The following LYNX1 variants were observed in gnomAD, a reference collection of about 807,000 sequenced individuals.
The protein encoded by LYNX1 is ly-6/neurotoxin-like protein 1.
LYNX1 carries 8 observed loss-of-function variants against 8.3 expected under a neutral mutation model. The ratio of observed to expected loss-of-function variants is 0.97; its 90% CI spans 0.57 to 1.74. The LOEUF is 1.74. Among genes scored for constraint, LYNX1 ranks in the 40% most tolerant of loss-of-function variants. The pLI is 0.00. For synonymous variants in LYNX1, 73 were observed against 67.9 expected (o/e 1.08, Z -0.37); for missense variants, 158 against 159.7 (o/e 0.99, Z 0.06).
At chr8:142,775,739 A>G in intron 2 of LYNX1, 45 bp from the exon 3 acceptor site, 2 of 1,546,126 alleles carry the variant, frequency 1.3e-6, no homozygotes, top group East Asian at 2.4e-5. Flanking sequence ...GTCACAGAAC[A>G]TGAGAGGCCC....
Position 142,775,249 on chromosome 8 carries a change from AGGTCGTACT to A in LYNX1, c.260_268del (p.Gln87_Asp89del). 1 of 1,613,914 alleles carries A rather than the reference AGGTCGTACT, an allele frequency of 6.2e-7. No homozygotes were observed. Among genetic ancestry groups the A allele is most frequent in the Non-Finnish European group, 8.5e-7 (1 of 1,179,974 alleles). On this transcript the variant is annotated inframe_deletion, in exon 4 of 4. Transcript: ENST00000652477. ...GGTGGCAAGGCCGGTGCCGTTGCAG[AGGTCGTACT>A]GGCAGCAGGAGGTGGTGGACGCGTG...
At position 142,774,603 on chromosome 8, in the gene LYNX1, G is replaced by A. The variant is rs1481409914; in HGVS notation, c.*564C>T. On this transcript the variant is annotated 3_prime_UTR_variant, in exon 4 of 4. Coordinates refer to ENST00000652477, the MANE Select transcript of LYNX1 (RefSeq NM_177477.4). ...CCCCTGCAGGGGGTGGCTCCAACTC[G>A]GGCCTGGCAGACTTCCTAGCACAGG... The A allele has an allele frequency of 4.1e-6, 4 of 985,772 alleles. No individual in the cohort carries two copies. The highest frequency in any genetic ancestry group is 1.1e-4 in the East Asian group (1 of 8,824). 61.1% of individuals were successfully genotyped at this position (985,772 alleles called of 1,614,324 possible).
At chr8:142,776,452 T>C (rs938975379) in intron 1 of LYNX1, 1 of 194,716 alleles carries the variant, frequency 5.1e-6, no homozygotes, top group African/African-American at 2.3e-5. Context: ...ACCCAGGGGA[T>C]GGTTGGTGCA....
Position 142,775,666 on chromosome 8 carries a change from G to A in LYNX1, c.81C>T (p.Ala27=). 6.2e-7 allele frequency: 1 copy of A among 1,603,036 alleles called. No individual in the cohort carries two copies. The highest frequency in any genetic ancestry group is 8.5e-7 in the Non-Finnish European group (1 of 1,174,944). ...LAQALDCHVC[A]YNGDNCFNPM... The stretch of plus-strand genomic sequence containing the variant: ...GGTTGAAGCAGTTGTCTCCGTTGTA[G>A]GCACACACGTGGCAGTCCAAGGCCT... The change falls in exon 3 of 4, where the codon GCC becomes GCT. Residue 27 remains alanine, a synonymous_variant. Transcript: ENST00000652477.
In LYNX1 at chr8:142,773,982, G is replaced by C; in HGVS notation, c.*1185C>G. 3.0e-6 allele frequency: 3 copies of C among 985,348 alleles called. No homozygotes were observed. Among genetic ancestry groups the C allele is most frequent in the Non-Finnish European group, 3.6e-6 (3 of 829,936 alleles). The allele number at this position is 985,348 out of a possible 1,614,324, so 61.0% of individuals were successfully genotyped here. A position where few individuals can be genotyped will look rare whatever the true frequency, so the allele number is the denominator to read the frequency against. ...CATCGGGGATGGATTGGTGCGTGTT[G>C]GGCTGACCCCTGCTTCCCAGGCCTG... On this transcript the variant is annotated 3_prime_UTR_variant, in exon 4 of 4. Coordinates refer to ENST00000652477, the MANE Select transcript of LYNX1 (RefSeq NM_177477.4).
chr8:142,774,284 C>A lies in LYNX1; in HGVS notation c.*883G>T, dbSNP rs1163655692. ...CCTGTGCGCGCATCCCCCAGTCCTG[C>A]GTCTTTTGCCTTGCTCGGCTGGGTC... On this transcript the variant is annotated 3_prime_UTR_variant, in exon 4 of 4. Transcript: ENST00000652477. 3 of 985,574 alleles carry A rather than the reference C, an allele frequency of 3.0e-6. No individual in the cohort carries two copies. The highest frequency in any genetic ancestry group is 3.6e-6 in the Non-Finnish European group (3 of 830,042). 61.1% of individuals were successfully genotyped at this position (985,574 alleles called of 1,614,324 possible).
chr8:142,772,969 T>C lies in LYNX1; in HGVS notation c.*2198A>G. On this transcript the variant is annotated 3_prime_UTR_variant, in exon 4 of 4. Coordinates refer to ENST00000652477, the MANE Select transcript of LYNX1 (RefSeq NM_177477.4). ...CCACAGCACTTCCAGCTCCAGCAGG[T>C]CCTTGTTCTCAGCTGCCCCTGAGCC... 1.0e-6 allele frequency: 1 copy of C among 985,494 alleles called. No homozygotes were observed. The highest frequency in any genetic ancestry group is 1.2e-6 in the Non-Finnish European group (1 of 830,068). The allele number at this position is 985,494 out of a possible 1,614,324, so 61.0% of individuals were successfully genotyped here.
chr8:142,775,853 C>T, intron 2 of LYNX1, 53 bp downstream of exon 2: 1 of 1,607,628 alleles, frequency 6.2e-7, no homozygotes, highest in Non-Finnish European at 8.5e-7. Flanking sequence ...TACTGTCAGC[C>T]CATCTGCCCT....
rs1815274531 is a variant in LYNX1, at chr8:142,773,705, A to G, written c.*1462T>C. ...CTGATCCCCCAGGGGTCCTGCATCAAAGCTCTGGAGATGCAATTTCCAGCA... is the reference window on the plus strand; with the variant it reads ...CTGATCCCCCAGGGGTCCTGCATCAGAGCTCTGGAGATGCAATTTCCAGCA... On this transcript the variant is annotated 3_prime_UTR_variant, in exon 4 of 4. Coordinates refer to ENST00000652477, the MANE Select transcript of LYNX1 (RefSeq NM_177477.4). 1 of 985,210 alleles carries G rather than the reference A, an allele frequency of 1.0e-6. No homozygotes were observed. Among genetic ancestry groups the G allele is most frequent in the African/African-American group, 1.7e-5 (1 of 57,258 alleles). 61.0% of individuals were successfully genotyped at this position (985,210 alleles called of 1,614,324 possible). A position where few individuals can be genotyped will look rare whatever the true frequency, so the allele number is the denominator to read the frequency against.
At position 142,775,140 on chromosome 8, in the gene LYNX1, T is replaced by G; in HGVS notation, c.*27A>C. ...GTAGCAGTGTGTCTCGAGAGCTTTG[T>G]TCTTGAGTGGGTCTGCCTCGGGGGC... On this transcript the variant is annotated 3_prime_UTR_variant, in exon 4 of 4. Coordinates refer to ENST00000652477, the MANE Select transcript of LYNX1 (RefSeq NM_177477.4). 1 of 1,602,118 alleles carries G rather than the reference T, an allele frequency of 6.2e-7. No individual in the cohort carries two copies. The highest frequency in any genetic ancestry group is 8.5e-7 in the Non-Finnish European group (1 of 1,175,262).
rs1815300856 is a variant in LYNX1 at position 142,774,171 on chromosome 8, C to G, written c.*996G>C. On this transcript the variant is annotated 3_prime_UTR_variant, in exon 4 of 4. Transcript: ENST00000652477. ...CCCTCCCCACCCCACCCTCCCCACTCCCGCCCCCGCACGGCCACGAGAGGG... is the reference window on the plus strand; with the variant it reads ...CCCTCCCCACCCCACCCTCCCCACTGCCGCCCCCGCACGGCCACGAGAGGG... 1 of 981,108 alleles carries G rather than the reference C, an allele frequency of 1.0e-6. No homozygotes were observed. The highest frequency in any genetic ancestry group is 1.2e-6 in the Non-Finnish European group (1 of 827,146). The allele number at this position is 981,108 out of a possible 1,614,324, so 60.8% of individuals were successfully genotyped here.
chr8:142,775,543 C>A, intron 3 of LYNX1, 50 bp downstream of exon 3: 1 of 1,557,332 alleles, frequency 6.4e-7, no homozygotes, highest in Non-Finnish European at 8.7e-7. Flanking sequence ...CAGGGCAGAA[C>A]CTCCCCTTCG....
intron 3 of LYNX1, 74 bp downstream of exon 3, chr8:142,775,519 C>G: frequency 1.3e-6 from 2 of 1,553,186 alleles, no homozygotes; most frequent in Non-Finnish European, 1.7e-6. Flanking sequence ...TCAGGACCCC[C>G]GCATGCTCAG....
At position 142,774,582 on chromosome 8, in the gene LYNX1, T is replaced by C. The variant is rs1246149212; in HGVS notation, c.*585A>G. The C allele has an allele frequency of 1.0e-6, 1 of 985,664 alleles. No individual in the cohort carries two copies. Among genetic ancestry groups the C allele is most frequent in the East Asian group, 1.1e-4 (1 of 8,814 alleles). The allele number at this position is 985,664 out of a possible 1,614,324, so 61.1% of individuals were successfully genotyped here. ...GCTGAGGCAGAGCCGCCCCCTCCCC[T>C]GCAGGGGGTGGCTCCAACTCGGGCC... On this transcript the variant is annotated 3_prime_UTR_variant, in exon 4 of 4. Transcript: ENST00000652477.
At chr8:142,777,684 G>A, upstream of LYNX1, 7 of 396,956 alleles carry the variant, frequency 1.8e-5, no homozygotes, top group Non-Finnish European at 3.1e-5. Flanking sequence ...CTGGGACCCC[G>A]AGGCCAGTCC....
In LYNX1 at chr8:142,775,202, G is replaced by T; in HGVS notation, c.316C>A (p.Pro106Thr). The change falls in exon 4 of 4, where the codon CCC (proline) becomes ACC (threonine). Residue 106 changes from proline (P) to threonine (T), a missense_variant. Physicochemically the swap from Pro to Thr is conservative, Grantham distance 38. Coordinates refer to ENST00000652477, the MANE Select transcript of LYNX1 (RefSeq NM_177477.4). ...LATPATLALA[P>T]ILLATLWGLL ...CCCCAGAGGGTGGCCAGGAGGATGG[G>T]GGCCAGGGCCAGGGTGGCCGGGGTG... 1.2e-6 allele frequency: 2 copies of T among 1,612,746 alleles called. No individual in the cohort carries two copies. Among genetic ancestry groups the T allele is most frequent in the Non-Finnish European group, 1.7e-6 (2 of 1,179,556 alleles).
Position 142,773,941 on chromosome 8 carries a change from C to G in LYNX1, c.*1226G>C, listed in dbSNP as rs2130105316. Reference sequence around the variant, plus strand: ...GCCCCATTCACAGCAGGGGCAGGTGCTCCCTGGGCTACCTGCATCGGGGAT... The same window carrying G: ...GCCCCATTCACAGCAGGGGCAGGTGGTCCCTGGGCTACCTGCATCGGGGAT... On this transcript the variant is annotated 3_prime_UTR_variant, in exon 4 of 4. Transcript: ENST00000652477. 3 of 985,410 alleles carry G rather than the reference C, an allele frequency of 3.0e-6. No individual in the cohort carries two copies. The highest frequency in any genetic ancestry group is 3.6e-6 in the Non-Finnish European group (3 of 829,908). 61.0% of individuals were successfully genotyped at this position (985,410 alleles called of 1,614,324 possible).
At position 142,774,124 on chromosome 8, in the gene LYNX1, C is replaced by T. The variant is rs1186313047; in HGVS notation, c.*1043G>A. On this transcript the variant is annotated 3_prime_UTR_variant, in exon 4 of 4. Coordinates refer to ENST00000652477, the MANE Select transcript of LYNX1 (RefSeq NM_177477.4). ...CCCACTCACTGTGCGCATCCCGCTG[C>T]GGGGGAGGGGCTGGGTCTCCGCCCT... The T allele has an allele frequency of 1.0e-5, 10 of 985,022 alleles. No homozygotes were observed. The highest frequency in any genetic ancestry group is 1.2e-4 in the Admixed American group (2 of 16,262). The allele number at this position is 985,022 out of a possible 1,614,324, so 61.0% of individuals were successfully genotyped here.
rs1489057541 is a variant in LYNX1 at position 142,775,695 on chromosome 8, C to A, written c.53-1G>T. On this transcript the variant is annotated splice_acceptor_variant, in intron 2 of 3. Coordinates refer to ENST00000652477, the MANE Select transcript of LYNX1 (RefSeq NM_177477.4). LOFTEE classifies it high-confidence loss of function. ...CACACGTGGCAGTCCAAGGCCTGGG[C>A]TGGGGTTGGCAGATGGGCGGGAAGG... 6.3e-7 allele frequency: 1 copy of A among 1,591,858 alleles called. No individual in the cohort carries two copies. Among genetic ancestry groups the A allele is most frequent in the Non-Finnish European group, 8.6e-7 (1 of 1,169,132 alleles).
Sources: gnomAD v4.1 joint callset for allele counts on GRCh38, gnomAD v4.1.1 for gene constraint, MANE v1.5 for transcripts, NCBI Gene and HGNC (gene_info 2026-07-23, HGNC 2026-07-21) for gene names.